The following KDM2B variants were observed in gnomAD, a reference collection of about 807,000 sequenced individuals.
The protein encoded by KDM2B is lysine demethylase 2B, also known as lysine-specific demethylase 2B.
In KDM2B, 26 loss-of-function variants were observed where a neutral mutation model predicts 150.0. The observed-to-expected ratio is 0.17, with a 90% confidence interval of 0.13 to 0.24. The LOEUF is 0.24. Ranked by LOEUF, KDM2B falls within the 10% of genes least tolerant of loss-of-function variation. The pLI, the probability that KDM2B is intolerant of heterozygous loss-of-function variation, is 1.00. For synonymous variants in KDM2B, 734 were observed against 729.5 expected, an observed-to-expected ratio of 1.01 and a Z score of -0.10; for missense variants, 1,265 against 1,816.9, an observed-to-expected ratio of 0.70 and a Z score of 5.52.
intron 12 of KDM2B, among the ~76,000 whole-genome samples, chr12:121,480,380 C>T (rs145452858): frequency 1.3e-5 from 2 of 152,036 alleles, no homozygotes; most frequent in Non-Finnish European, 2.9e-5. Context: ...GTGGGATATT[C>T]TATGGGACAT....
intron 9 of KDM2B, chr12:121,516,915 G>T: frequency 1.5e-6 from 1 of 660,024 alleles, no homozygotes; most frequent in South Asian, 1.7e-5. Flanking sequence ...TCCAATGGTA[G>T]GGGGAAGGGG....
chr12:121,576,608 G>A (rs944365046), intron 2 of KDM2B, among the ~76,000 whole-genome samples: 2 of 152,078 alleles, frequency 1.3e-5, no homozygotes. Flanking sequence ...GGTTTTTCTA[G>A]TACAGTCCCC....
intron 21 of KDM2B, 63 bp from the exon 22 acceptor site, chr12:121,440,138 CATGACACTCT>C: frequency 7.8e-7 from 1 of 1,287,960 alleles, no homozygotes; most frequent in Non-Finnish European, 1.1e-6. Context: ...GTCATGCTGA[CATGACACTCT>C]AAAAGGCCCA....
At chr12:121,546,400 T>TTTTTTACG (rs1889048897) in intron 6 of KDM2B, among the ~76,000 whole-genome samples, 1 of 146,890 alleles carries the variant, frequency 6.8e-6, no homozygotes, top group Non-Finnish European at 1.5e-5. Context: ...TTTTTTTTTT[T>TTTTTTACG]GAGACGGAGT....
intron 15 of KDM2B, 40 bp from the exon 16 acceptor site, chr12:121,444,312 T>C: frequency 6.2e-7 from 1 of 1,611,228 alleles, no homozygotes; most frequent in Non-Finnish European, 8.5e-7. Context: ...ACCAACTGTA[T>C]ACCTTTGGAC....
At chr12:121,473,733 A>G (rs114397104) in intron 12 of KDM2B, among the ~76,000 whole-genome samples, 1 of 149,936 alleles carries the variant, frequency 6.7e-6, no homozygotes, top group African/African-American at 2.5e-5. Flanking sequence ...AAAAAAAAAA[A>G]AGAGAGAGAG....
At chr12:121,571,188 T>TG (rs1423413531) in intron 4 of KDM2B, among the ~76,000 whole-genome samples, 2 of 152,174 alleles carry the variant, frequency 1.3e-5, no homozygotes, top group African/African-American at 4.8e-5. Flanking sequence ...CTAACAGCGA[T>TG]GGGGGAATTG....
In KDM2B at chr12:121,451,163, G is replaced by A. The variant is rs574441880; in HGVS notation, c.1959+1957C>T. ...GCCTCTGCCACCTCTGAGACAGCAA[G>A]ACCAACCCCTCCTCCTCTGCCTACA... On this transcript the variant is annotated intron_variant, in intron 13 of 22. Transcript: ENST00000377071. Among the ~76,000 whole-genome samples the A allele has an allele frequency of 6.6e-5, 10 of 151,948 alleles. No homozygotes were observed. In the East Asian group the frequency reaches 1.9e-3, roughly 29 times the overall value.
chr12:121,578,772 A>G, intron 2 of KDM2B, 30 bp downstream of exon 2: 1 of 1,449,314 alleles, frequency 6.9e-7, no homozygotes, highest in East Asian at 2.7e-5. Context: ...CCCGCAGCGC[A>G]GAGGGCGGCC....
the KDM2B span, chr12:121,417,385 TG>T: frequency 1.3e-6 from 1 of 762,024 alleles, no homozygotes; most frequent in Non-Finnish European, 2.1e-6. The surrounding 1 kb of genome is among the most constrained non-coding windows in gnomAD (Gnocchi z 5.0). Context: ...GGAAATAGTC[TG>T]GTGCCACTGG....
chr12:121,474,319 C>A (rs529924490), intron 12 of KDM2B, among the ~76,000 whole-genome samples: 1 of 151,968 alleles, frequency 6.6e-6, no homozygotes, highest in African/African-American at 2.4e-5. Flanking sequence ...CAAAACCATC[C>A]TGGTGAACAC....
chr12:121,507,153 G>A (rs1437218275), intron 11 of KDM2B, among the ~76,000 whole-genome samples: 1 of 150,526 alleles, frequency 6.6e-6, no homozygotes, highest in Non-Finnish European at 1.5e-5. Context: ...AAGTGACTAG[G>A]TTATACAAAA....
At chr12:121,535,193 A>G (rs1887985620) in intron 6 of KDM2B, among the ~76,000 whole-genome samples, 1 of 151,662 alleles carries the variant, frequency 6.6e-6, no homozygotes, top group African/African-American at 2.4e-5. Flanking sequence ...AGCAATGCAC[A>G]GGAAAAGTTA....
chr12:121,429,868 C>T lies in KDM2B; in HGVS notation c.*420G>A. On this transcript the variant is annotated 3_prime_UTR_variant, in exon 23 of 23. Transcript: ENST00000377071. Reference sequence around the variant, plus strand: ...AAACCAACCAAACAAAAAAAAGTGTCAAGACGGCAGCAGATGTGGTGTGTG... The same window carrying T: ...AAACCAACCAAACAAAAAAAAGTGTTAAGACGGCAGCAGATGTGGTGTGTG... 1.8e-6 allele frequency: 1 copy of T among 570,510 alleles called. No individual in the cohort carries two copies. The highest frequency in any genetic ancestry group is 2.8e-5 in the East Asian group (1 of 35,860). 35.3% of individuals were successfully genotyped at this position (570,510 alleles called of 1,614,324 possible). A position where few individuals can be genotyped will look rare whatever the true frequency, so the allele number is the denominator to read the frequency against.
intron 4 of KDM2B, among the ~76,000 whole-genome samples, chr12:121,561,197 A>T (rs960021512): frequency 6.6e-6 from 1 of 152,136 alleles, no homozygotes; most frequent in Middle Eastern, 3.2e-3. Flanking sequence ...CGGGGCCAGG[A>T]CGAGGCTGCT....
At chr12:121,567,434 C>T (rs1467337999) in intron 4 of KDM2B, among the ~76,000 whole-genome samples, 1 of 152,136 alleles carries the variant, frequency 6.6e-6, no homozygotes, top group Non-Finnish European at 1.5e-5. Context: ...AGGGGCTGGG[C>T]ACTGTGGCTC....
At chr12:121,532,554 TTCGAG>T (rs1887749422) in intron 8 of KDM2B, among the ~76,000 whole-genome samples, 1 of 152,202 alleles carries the variant, frequency 6.6e-6, no homozygotes, top group Admixed American at 6.5e-5. Context: ...TGCACAGGGA[TTCGAG>T]TCTCCCCTGA....
intron 12 of KDM2B, among the ~76,000 whole-genome samples, chr12:121,481,755 A>AG: frequency 2.2e-5 from 3 of 135,172 alleles, no homozygotes; most frequent in Non-Finnish European, 4.7e-5. Flanking sequence ...AACTTATCTT[A>AG]GGGTTTTTTT....
At position 121,513,918 on chromosome 12, in the gene KDM2B, G is replaced by C. The variant is rs1436120882; in HGVS notation, c.1048-516C>G. 6.6e-6 allele frequency among the ~76,000 whole-genome samples: 1 copy of C among 152,126 alleles called. No homozygotes were observed. Among genetic ancestry groups the C allele is most frequent in the Non-Finnish European group, 1.5e-5 (1 of 68,022 alleles). Reference sequence around the variant, plus strand: ...CTCCTGTTTGTTGGGAGGGAGGCCAGGCCAGCGGACCAATAAGAGTGAGGG... The same window carrying C: ...CTCCTGTTTGTTGGGAGGGAGGCCACGCCAGCGGACCAATAAGAGTGAGGG... On this transcript the variant is annotated intron_variant, in intron 9 of 22. Coordinates refer to ENST00000377071, the MANE Select transcript of KDM2B (RefSeq NM_032590.5). The surrounding 1 kb of genome is among the most constrained non-coding windows in gnomAD (Gnocchi z 5.0).
Sources: gnomAD v4.1 joint callset for allele counts (sites outside exome capture counted in the v4.1 genomes callset) on GRCh38, gnomAD v4.1.1 for gene constraint, Gnocchi (gnomAD v3.1) non-coding constraint, MANE v1.5 for transcripts, NCBI Gene and HGNC (gene_info 2026-07-23, HGNC 2026-07-21) for gene names.